CATSPERT: variants seen among roughly 807,000 people sequenced by gnomAD.
The protein encoded by CATSPERT is catsper channel auxiliary subunit tau.
the CATSPERT span, among the ~76,000 whole-genome samples, chr2:201,526,776 G>C: frequency 6.6e-6 from 1 of 152,120 alleles, no homozygotes; most frequent in African/African-American, 2.4e-5. Context: ...AAAATATTAA[G>C]AGCCATGTAT....
At chr2:201,595,787 A>AGATGTT in the CATSPERT span, among the ~76,000 whole-genome samples, 3 of 152,206 alleles carry the variant, frequency 2.0e-5, no homozygotes, top group Non-Finnish European at 2.9e-5. Context: ...AAGAAGACAC[A>AGATGTT]CATGTGGCCA....
chr2:201,603,094 CA>C, the CATSPERT span: 1 of 712,966 alleles, frequency 1.4e-6, no homozygotes. Context: ...AGTGAATGAA[CA>C]GTAGTGATTG....
chr2:201,531,102 A>G, the CATSPERT span, among the ~76,000 whole-genome samples: 198 of 150,988 alleles, frequency 1.3e-3, no homozygotes, highest in African/African-American at 4.6e-3. Flanking sequence ...CTGGGACTAC[A>G]GGCGCCCGCC....
chr2:201,538,208 CCAG>C, the CATSPERT span, among the ~76,000 whole-genome samples: 1 of 152,072 alleles, frequency 6.6e-6, no homozygotes, highest in Admixed American at 6.6e-5. Context: ...CCTCAGGCAA[CCAG>C]CATTCTACTC....
At chr2:201,589,940 G>A in the CATSPERT span, among the ~76,000 whole-genome samples, 2 of 151,806 alleles carry the variant, frequency 1.3e-5, no homozygotes, top group African/African-American at 2.4e-5. Context: ...TTAAAAAGCA[G>A]ACAAAGGACA....
At chr2:201,591,448 G>T in the CATSPERT span, among the ~76,000 whole-genome samples, 1 of 152,272 alleles carries the variant, frequency 6.6e-6, no homozygotes, top group South Asian at 2.1e-4. Context: ...TTTTGGCTTA[G>T]GATTGACTTG....
the CATSPERT span, among the ~76,000 whole-genome samples, chr2:201,612,842 A>C: frequency 6.6e-6 from 1 of 151,854 alleles, no homozygotes; most frequent in Non-Finnish European, 1.5e-5. Flanking sequence ...AAATCGGGAC[A>C]CTCCCACCCT....
the CATSPERT span, chr2:201,601,881 C>T: frequency 7.0e-6 from 11 of 1,582,510 alleles, no homozygotes; most frequent in Non-Finnish European, 9.5e-6. Flanking sequence ...ATGTTGTAAA[C>T]TGACTGAAAA....
chr2:201,618,195 C>A, the CATSPERT span, among the ~76,000 whole-genome samples: 519 of 152,240 alleles, frequency 3.4e-3, 7 homozygotes, highest in African/African-American at 0.012. Context: ...TTGACCCAGC[C>A]ATCCCATTAC....
At chr2:201,566,205 TC>T in the CATSPERT span, among the ~76,000 whole-genome samples, 4 of 151,048 alleles carry the variant, frequency 2.6e-5, no homozygotes, top group South Asian at 4.2e-4. Context: ...TTTTTAAATT[TC>T]TTTTTTTTTT....
chr2:201,535,959 T>A, the CATSPERT span: 1 of 1,595,898 alleles, frequency 6.3e-7, no homozygotes, highest in Non-Finnish European at 8.5e-7. Flanking sequence ...CCAGCTAATT[T>A]CTGTTGGAGA....
chr2:201,610,119 C>T, the CATSPERT span, among the ~76,000 whole-genome samples: 1 of 152,004 alleles, frequency 6.6e-6, no homozygotes, highest in Non-Finnish European at 1.5e-5. Context: ...AAATAGAAAG[C>T]CTGAACAGAC....
At chr2:201,578,798 CA>C in the CATSPERT span, among the ~76,000 whole-genome samples, 4 of 152,104 alleles carry the variant, frequency 2.6e-5, no homozygotes, top group African/African-American at 9.7e-5. Flanking sequence ...TTTTCTTCAA[CA>C]AAAATTAACT....
the CATSPERT span, among the ~76,000 whole-genome samples, chr2:201,611,531 C>A: frequency 6.6e-6 from 1 of 152,104 alleles, no homozygotes; most frequent in Admixed American, 6.5e-5. Flanking sequence ...AAATAAACAA[C>A]CTAACTTTAC....
At chr2:201,549,446 A>G in the CATSPERT span, among the ~76,000 whole-genome samples, 2 of 152,140 alleles carry the variant, frequency 1.3e-5, no homozygotes, top group Non-Finnish European at 2.9e-5. Context: ...ACCCATAACC[A>G]TATTATACAA....
the CATSPERT span, among the ~76,000 whole-genome samples, chr2:201,525,108 T>C: frequency 6.6e-6 from 1 of 152,184 alleles, no homozygotes; most frequent in South Asian, 2.1e-4. Flanking sequence ...TTTGACCAAG[T>C]GGACCTAACG....
chr2:201,613,294 C>T, the CATSPERT span, among the ~76,000 whole-genome samples: 1 of 152,230 alleles, frequency 6.6e-6, no homozygotes, highest in African/African-American at 2.4e-5. Flanking sequence ...AACTGGGAGA[C>T]ACCTCCCAGT....
At chr2:201,613,373 C>T in the CATSPERT span, among the ~76,000 whole-genome samples, 1 of 152,190 alleles carries the variant, frequency 6.6e-6, no homozygotes, top group Non-Finnish European at 1.5e-5. Context: ...AAGGATCAGA[C>T]AGTAACATTT....
the CATSPERT span, among the ~76,000 whole-genome samples, chr2:201,600,436 G>A: frequency 1.3e-5 from 2 of 152,112 alleles, no homozygotes; most frequent in African/African-American, 4.8e-5. Flanking sequence ...GGGCCTGTAG[G>A]GGGCTGGAGG....
Sources: allele counts gnomAD v4.1 joint callset (sites outside exome capture counted in the v4.1 genomes callset), GRCh38; gene constraint gnomAD v4.1.1; transcripts MANE v1.5; gene names NCBI Gene and HGNC (gene_info 2026-07-23, HGNC 2026-07-21).